SMC4: variants seen among roughly 807,000 people sequenced by gnomAD.
SMC4 encodes the protein structural maintenance of chromosomes protein 4.
SMC4 carries 87 observed loss-of-function variants against 145.6 expected under a neutral mutation model. The observed-to-expected ratio is 0.60, with a 90% confidence interval of 0.50 to 0.71. The LOEUF is 0.71. SMC4 is among the 30% of genes least tolerant of loss of function. The pLI, the probability that SMC4 is intolerant of heterozygous loss-of-function variation, is 0.00. For missense variants in SMC4, 1,447 were observed against 1,537.1 expected (o/e 0.94, Z 0.98); for synonymous variants, 558 against 500.7 (o/e 1.11, Z -1.53).
At chr3:160,409,941 T>C (rs971301311) in intron 5 of SMC4, among the ~76,000 whole-genome samples, 1 of 152,010 alleles carries the variant, frequency 6.6e-6, no homozygotes, top group African/African-American at 2.4e-5. Context: ...CTGGGTGTGG[T>C]GGTGTGCATC....
At position 160,430,559 on chromosome 3, in the gene SMC4, C is replaced by G. The variant is rs764367176; in HGVS notation, c.2796-40C>G. On this transcript the variant is annotated intron_variant, in intron 18 of 23. Coordinates refer to ENST00000357388, the MANE Select transcript of SMC4 (RefSeq NM_001002800.3). ...TAGGTTTTCAGAAACAATAACAAAT[C>G]ACCTTACCACATTTTTGATGCATCA... is the stretch of plus-strand genomic sequence containing the variant. 1.1e-5 allele frequency: 17 copies of G among 1,480,334 alleles called. No homozygotes were observed. The South Asian group carries it at 2.4e-4, about 21-fold the overall frequency. The allele number at this position is 1,480,334 out of a possible 1,614,324, so 91.7% of individuals were successfully genotyped here. A position where few individuals can be genotyped will look rare whatever the true frequency, so the allele number is the denominator to read the frequency against.
At position 160,404,310 on chromosome 3, in the gene SMC4, TG is replaced by T. The variant is rs754196725; in HGVS notation, c.511-17del. On this transcript the variant is annotated splice_polypyrimidine_tract_variant and intron_variant, in intron 4 of 23. Coordinates refer to ENST00000357388, the MANE Select transcript of SMC4 (RefSeq NM_001002800.3). ...AATACCAACAATTGTTTTCTGGTTT[TG>T]TTTTTCCTCAAAACAGGAAGGGGAT... 21 of 1,588,294 alleles carry T rather than the reference TG, an allele frequency of 1.3e-5. No homozygotes were observed. The highest frequency in any genetic ancestry group is 1.8e-5 in the Non-Finnish European group (21 of 1,173,280).
chr3:160,418,028 T>C, intron 11 of SMC4, 72 bp downstream of exon 11: 1 of 1,249,488 alleles, frequency 8.0e-7, no homozygotes, highest in Non-Finnish European at 1.1e-6. Context: ...TTGTTTTTAA[T>C]CTCCGCGTCA....
At chr3:160,400,603 C>T (rs1028440760) in intron 1 of SMC4, 10 of 511,270 alleles carry the variant, frequency 2.0e-5, no homozygotes, top group South Asian at 6.0e-5. Context: ...TCCTCAGGCA[C>T]GTCTAGATTT....
At chr3:160,410,548 C>A (rs569814695) in intron 5 of SMC4, among the ~76,000 whole-genome samples, 1 of 152,160 alleles carries the variant, frequency 6.6e-6, no homozygotes, top group South Asian at 2.1e-4. Flanking sequence ...ACTTATATAC[C>A]GATTCATACA....
chr3:160,423,365 T>TC, intron 13 of SMC4, 60 bp from the exon 14 acceptor site: 1 of 988,026 alleles, frequency 1.0e-6, no homozygotes. Flanking sequence ...TTTTGTTTTT[T>TC]TTTTTGAGTT....
At chr3:160,427,009 C>T (rs1189686064) in intron 17 of SMC4, among the ~76,000 whole-genome samples, 1 of 152,110 alleles carries the variant, frequency 6.6e-6, no homozygotes, top group South Asian at 2.1e-4. Flanking sequence ...AGCGATTATC[C>T]AACTGCTCCA....
intron 3 of SMC4, 142 bp downstream of exon 3, chr3:160,402,235 T>A (rs1298082533): frequency 1.1e-4 from 56 of 507,934 alleles, no homozygotes; most frequent in Middle Eastern, 4.9e-4. Context: ...TGTCTCTCTC[T>A]CTCACACACA....
chr3:160,414,288 A>C (rs780041142), intron 8 of SMC4, 79 bp from the exon 9 acceptor site: 3 of 1,138,298 alleles, frequency 2.6e-6, no homozygotes, highest in Non-Finnish European at 4.0e-6. Flanking sequence ...TTTATAGAGG[A>C]AGTGTTCCAG....
At chr3:160,411,820 T>C (rs1716018306) in intron 5 of SMC4, 100 bp from the exon 6 acceptor site, 3 of 895,210 alleles carry the variant, frequency 3.4e-6, no homozygotes, top group African/African-American at 3.4e-5. Context: ...TTTAGATGTT[T>C]ATTACTCTTG....
intron 11 of SMC4, 69 bp from the exon 12 acceptor site, chr3:160,419,289 A>T: frequency 9.9e-7 from 1 of 1,015,116 alleles, no homozygotes; most frequent in Non-Finnish European, 1.4e-6. Context: ...CATTACAACT[A>T]ATTCAGTGCT....
At chr3:160,430,507 C>A in intron 18 of SMC4, 92 bp from the exon 19 acceptor site, 2 of 1,084,214 alleles carry the variant, frequency 1.8e-6, no homozygotes, top group Non-Finnish European at 2.6e-6. Context: ...AAAAATGTCA[C>A]ATTAAATTTC....
At chr3:160,428,195 A>G (rs1037235398) in intron 17 of SMC4, among the ~76,000 whole-genome samples, 3 of 152,218 alleles carry the variant, frequency 2.0e-5, no homozygotes, top group African/African-American at 7.2e-5. Flanking sequence ...CTTCCAAATT[A>G]TGCAAGTACT....
At chr3:160,400,757 G>C in intron 1 of SMC4, 65 bp from the exon 2 acceptor site, 1 of 1,410,548 alleles carries the variant, frequency 7.1e-7, no homozygotes, top group Non-Finnish European at 9.2e-7. Flanking sequence ...AGATTTCCCC[G>C]GGTGGGGCGG....
At chr3:160,406,431 A>C (rs939316527) in intron 5 of SMC4, among the ~76,000 whole-genome samples, 20 of 152,126 alleles carry the variant, frequency 1.3e-4, no homozygotes, top group African/African-American at 4.1e-4. Flanking sequence ...TGAAAATCTC[A>C]GACTCCTAAC....
chr3:160,433,510 C>CGA (rs767151765), intron 23 of SMC4, 147 bp from the exon 24 acceptor site: 9 of 586,208 alleles, frequency 1.5e-5, no homozygotes, highest in Non-Finnish European at 2.1e-5. Context: ...CTTTCACACT[C>CGA]AAATACTGTT....
intron 5 of SMC4, among the ~76,000 whole-genome samples, chr3:160,409,546 T>C (rs1452796006): frequency 6.6e-6 from 1 of 152,156 alleles, no homozygotes; most frequent in Non-Finnish European, 1.5e-5. Context: ...TAAGGAATAT[T>C]TTTGTCAGCG....
chr3:160,434,890 G>GTAAC lies in SMC4; in HGVS notation c.*1083_*1086dup, dbSNP rs759732190. 6.6e-6 allele frequency: 1 copy of GTAAC among 152,080 alleles called. No individual in the cohort carries two copies. The highest frequency in any genetic ancestry group is 1.5e-5 in the Non-Finnish European group (1 of 68,024). The allele number at this position is 152,080 out of a possible 1,614,324, so 9.4% of individuals were successfully genotyped here. A position where few individuals can be genotyped will look rare whatever the true frequency, so the allele number is the denominator to read the frequency against. On this transcript the variant is annotated 3_prime_UTR_variant, in exon 24 of 24. Coordinates refer to ENST00000357388, the MANE Select transcript of SMC4 (RefSeq NM_001002800.3). ...AAAATCCAACAGTTTCTATCATAAT[G>GTAAC]TAACTGTAAAAATGTAAACACATTA...
intron 12 of SMC4, among the ~76,000 whole-genome samples, chr3:160,419,768 G>C (rs949070942): frequency 3.9e-5 from 6 of 151,916 alleles, no homozygotes; most frequent in African/African-American, 1.5e-4. Context: ...AAAAATACTA[G>C]TAATGTCACA....
Sources: gnomAD v4.1 joint callset for allele counts (sites outside exome capture counted in the v4.1 genomes callset) on GRCh38, gnomAD v4.1.1 for gene constraint, MANE v1.5 for transcripts, NCBI Gene and HGNC (gene_info 2026-07-23, HGNC 2026-07-21) for gene names.